The following ADAMTS14 variants were observed in gnomAD, a reference collection of about 807,000 sequenced individuals.
ADAMTS14 encodes ADAM metallopeptidase with thrombospondin type 1 motif 14.
Under a neutral mutation model 128.6 loss-of-function variants are expected in ADAMTS14, and 100 were observed. The ratio of observed to expected loss-of-function variants is 0.78; its 90% confidence interval spans 0.66 to 0.92. The LOEUF is 0.92. Ranked by LOEUF, ADAMTS14 falls within the 40% of genes least tolerant of loss-of-function variation. The probability of loss-of-function intolerance (pLI) is 0.00; values close to 1 mark genes in which losing one functional copy is unlikely to be tolerated. For missense variants in ADAMTS14, 1,562 were observed against 1,658.6 expected (o/e 0.94, Z 1.01); for synonymous variants, 665 against 653.8 (o/e 1.02, Z -0.26).
intron 12 of ADAMTS14, among the ~76,000 whole-genome samples, chr10:70,742,795 C>T (rs779384404): frequency 6.6e-6 from 1 of 152,210 alleles, no homozygotes; most frequent in Non-Finnish European, 1.5e-5. Context: ...TGCTCTGGAA[C>T]CTCCTTTTTA....
chr10:70,733,960 G>A lies in ADAMTS14; in HGVS notation c.1284G>A (p.Leu428=). 1 of 1,613,888 alleles carries A rather than the reference G, an allele frequency of 6.2e-7. No individual in the cohort carries two copies. Among genetic ancestry groups the A allele is most frequent in the Non-Finnish European group, 8.5e-7 (1 of 1,179,994 alleles). ...ETSLGSVMAP[L]VQAAFHRFHW... ...GCCTGGGCAGCGTCATGGCGCCCCT[G>A]GTGCAGGCTGCCTTCCACCGCTTCC... The change falls in exon 8 of 22, where the codon CTG becomes CTA. Residue 428 remains leucine, a synonymous_variant. Coordinates refer to ENST00000373207, the MANE Select transcript of ADAMTS14 (RefSeq NM_080722.4).
chr10:70,678,990 A>T (rs946290060), intron 2 of ADAMTS14, among the ~76,000 whole-genome samples: 2 of 152,148 alleles, frequency 1.3e-5, no homozygotes, highest in African/African-American at 4.8e-5. Flanking sequence ...TGGGTGTCCT[A>T]GCTGTGGGAG....
intron 2 of ADAMTS14, among the ~76,000 whole-genome samples, chr10:70,691,542 G>GATCT (rs1385485278): frequency 9.5e-6 from 1 of 105,078 alleles, no homozygotes; most frequent in Admixed American, 9.4e-5. Context: ...AGCTTTTGAT[G>GATCT]ATCTGAGCAG....
At chr10:70,689,966 T>G (rs1840138936) in intron 2 of ADAMTS14, among the ~76,000 whole-genome samples, 1 of 145,004 alleles carries the variant, frequency 6.9e-6, no homozygotes, top group Admixed American at 6.9e-5. Flanking sequence ...CCATGGCTCC[T>G]TCCATTTGGT....
At chr10:70,717,661 C>T (rs10999481) in intron 4 of ADAMTS14, among the ~76,000 whole-genome samples, 67,055 of 151,888 alleles carry the variant, frequency 0.44, 16,279 homozygotes, top group Non-Finnish European at 0.55. Context: ...TGGGGAACCT[C>T]CTAGGGCCTG....
rs753194347 is a variant in ADAMTS14, at chr10:70,751,478, G to A, written c.2428G>A (p.Ala810Thr). 5 of 1,599,132 alleles carry A rather than the reference G, an allele frequency of 3.1e-6. No homozygotes were observed. The highest frequency in any genetic ancestry group is 4.3e-6 in the Non-Finnish European group (5 of 1,167,786). ...GPLPEAIAIL[A>T]LPPTEGGPRS... ...GTGCCAGCTCCCCATCTCCCCTCAG[G>A]CTCTCCCCCCAACTGAGGGTGGCCC... is the stretch of plus-strand genomic sequence containing the variant. The change falls in exon 17 of 22, where the codon GCT (alanine) becomes ACT (threonine). Residue 810 changes from alanine to threonine, a missense_variant and splice_region_variant. Transcript: ENST00000373207.
In ADAMTS14 at chr10:70,741,180, C is replaced by T. The variant is rs1392442923; in HGVS notation, c.1924+18C>T. The T allele has an allele frequency of 6.2e-7, 1 of 1,609,750 alleles. No homozygotes were observed. The highest frequency in any genetic ancestry group is 8.5e-7 in the Non-Finnish European group (1 of 1,177,542). On this transcript the variant is annotated intron_variant, in intron 12 of 21. Transcript: ENST00000373207. The stretch of plus-strand genomic sequence containing the variant: ...TGACGATGGTGAGTGGGCCCCACCC[C>T]CCTCCCACTCCATGTCCTTAGGCAT...
rs1564513175 is a variant in ADAMTS14 at position 70,672,695 on chromosome 10, GGCAGCCA to G, written c.-105_-99del. The G allele has an allele frequency of 7.8e-7, 1 of 1,286,624 alleles. No homozygotes were observed. Among genetic ancestry groups the G allele is most frequent in the African/African-American group, 1.6e-5 (1 of 63,734 alleles). The allele number at this position is 1,286,624 out of a possible 1,614,324, so 79.7% of individuals were successfully genotyped here. A position where few individuals can be genotyped will look rare whatever the true frequency, so the allele number is the denominator to read the frequency against. On this transcript the variant is annotated 5_prime_UTR_variant, in exon 1 of 22. Coordinates refer to ENST00000373207, the MANE Select transcript of ADAMTS14 (RefSeq NM_080722.4). ...GGGAGGCGGCTGAGGCGGCAGCGGC[GGCAGCCA>G]GCCGGTGCTCCGACAGCCCGGGGCG...
intron 16 of ADAMTS14, among the ~76,000 whole-genome samples, chr10:70,751,232 G>A (rs1258845695): frequency 6.6e-6 from 1 of 152,178 alleles, no homozygotes. Context: ...AAAGGGAAGA[G>A]CATTCCTAGG....
rs150303288 is a variant in ADAMTS14 at position 70,700,370 on chromosome 10, A to G, written c.523-1942A>G. On this transcript the variant is annotated intron_variant, in intron 2 of 21. Coordinates refer to ENST00000373207, the MANE Select transcript of ADAMTS14 (RefSeq NM_080722.4). ...GGTTGGTTTCTTTTGCACCCTAACA[A>G]TTTCTCCCTTCTGCCTGCTGTGGAA... 5.5e-3 allele frequency among the ~76,000 whole-genome samples: 828 copies of G among 151,920 alleles called. 15 individuals are homozygous for G. Among genetic ancestry groups the G allele is most frequent in the South Asian group, 6.7e-3 (32 of 4,802 alleles).
chr10:70,672,844 G>A lies in ADAMTS14; in HGVS notation c.42G>A (p.Leu14=). The change falls in exon 1 of 22, where the codon TTG becomes TTA. Residue 14 remains leucine, a synonymous_variant. Coordinates refer to ENST00000373207, the MANE Select transcript of ADAMTS14 (RefSeq NM_080722.4). ...LRALLSYLLP[L]HCALCAAAGS... is the part of the protein sequence containing the mutation. ...CGCTGCTGTCCTACCTGCTGCCTTT[G>A]CACTGTGCGCTCTGCGCCGCCGCGG... is the stretch of plus-strand genomic sequence containing the variant. 1 of 1,513,348 alleles carries A rather than the reference G, an allele frequency of 6.6e-7. No homozygotes were observed. The highest frequency in any genetic ancestry group is 8.8e-7 in the Non-Finnish European group (1 of 1,135,628). 93.7% of individuals were successfully genotyped at this position (1,513,348 alleles called of 1,614,324 possible).
chr10:70,709,421 G>A (rs1369591408), intron 4 of ADAMTS14, among the ~76,000 whole-genome samples: 2 of 140,078 alleles, frequency 1.4e-5, no homozygotes, highest in African/African-American at 2.7e-5. Flanking sequence ...AGTCAGAAAT[G>A]TAGTTTTTTT....
chr10:70,744,228 CTG>C (rs1219133821), intron 14 of ADAMTS14, 39 bp downstream of exon 14: 175 of 1,478,692 alleles, frequency 1.2e-4, no homozygotes, highest in Non-Finnish European at 6.1e-5. Flanking sequence ...CGAGGGCTGA[CTG>C]GAGTTCTTGC....
At chr10:70,708,831 A>ATGGG in intron 4 of ADAMTS14, 53 bp downstream of exon 4, 4 of 532,956 alleles carry the variant, frequency 7.5e-6, no homozygotes, top group Non-Finnish European at 1.2e-5. Flanking sequence ...GGTGGGCCCC[A>ATGGG]CCCCACCCCA....
intron 7 of ADAMTS14, among the ~76,000 whole-genome samples, chr10:70,733,004 G>C (rs2132679297): frequency 1.3e-5 from 2 of 152,280 alleles, no homozygotes; most frequent in Middle Eastern, 6.8e-3. Context: ...CTACATGCTG[G>C]GTGGACACAA....
chr10:70,687,846 G>A (rs1257921829), intron 2 of ADAMTS14, among the ~76,000 whole-genome samples: 3 of 61,874 alleles, frequency 4.8e-5, no homozygotes, highest in Non-Finnish European at 6.5e-5. Context: ...CGGACGGGGC[G>A]GCTGGCCGGG....
intron 2 of ADAMTS14, among the ~76,000 whole-genome samples, chr10:70,701,494 C>T (rs1201751205): frequency 6.6e-6 from 1 of 152,074 alleles, no homozygotes; most frequent in Non-Finnish European, 1.5e-5. Context: ...TGTGTGTGTG[C>T]GTGTGTGTGT....
At chr10:70,679,823 G>C (rs1481710012) in intron 2 of ADAMTS14, among the ~76,000 whole-genome samples, 1 of 152,196 alleles carries the variant, frequency 6.6e-6, no homozygotes, top group Non-Finnish European at 1.5e-5. Context: ...AGTAGACCCT[G>C]GCAGACGGCT....
rs375936038 is a variant in ADAMTS14, at chr10:70,760,658, C to G, written c.3477C>G (p.Ser1159=). The change falls in exon 22 of 22, where the codon TCC becomes TCG. Residue 1159 remains serine, a synonymous_variant. Coordinates refer to ENST00000373207, the MANE Select transcript of ADAMTS14 (RefSeq NM_080722.4). ...TCCCAGGAGCTCTGGATACAAGCTC[C>G]CCAGGGACCCAGCATCCCTTTGCCC... is the stretch of plus-strand genomic sequence containing the variant. ...TQLPGALDTS[S]PGTQHPFAPE... is the part of the protein sequence containing the mutation. The G allele has an allele frequency of 6.2e-7, 1 of 1,614,172 alleles. No homozygotes were observed. The highest frequency in any genetic ancestry group is 1.3e-5 in the African/African-American group (1 of 75,050).
Sources: gnomAD v4.1 joint callset for allele counts (sites outside exome capture counted in the v4.1 genomes callset) on GRCh38, gnomAD v4.1.1 for gene constraint, MANE v1.5 for transcripts, NCBI Gene and HGNC (gene_info 2026-07-23, HGNC 2026-07-21) for gene names.